The following COX6C variants were observed in gnomAD, a reference collection of about 807,000 sequenced individuals.
The protein encoded by COX6C is cytochrome c oxidase polypeptide VIc.
Under a neutral mutation model 6.9 loss-of-function variants are expected in COX6C, and 3 were observed. The ratio of observed to expected loss-of-function variants is 0.43; its 90% CI spans 0.20 to 1.12. The LOEUF (loss-of-function observed/expected upper bound fraction) is 1.12, where lower values mean the gene tolerates loss of function less well. Among genes scored for constraint, COX6C ranks in the 50% most tolerant of loss-of-function variants. The pLI is 0.27. For missense variants in COX6C, 101 were observed against 97.3 expected (o/e 1.04, Z -0.16); for synonymous variants, 32 against 32.0 (o/e 1.00, Z 0.00).
At chr8:99,884,068 A>G (rs920791036) in intron 3 of COX6C, among the ~76,000 whole-genome samples, 2 of 152,210 alleles carry the variant, frequency 1.3e-5, no homozygotes, top group African/African-American at 4.8e-5. Context: ...CTTTTCCTCT[A>G]ATACCTAGAA....
chr8:99,880,334 T>C (rs1289927302), intron 3 of COX6C, among the ~76,000 whole-genome samples: 2 of 151,956 alleles, frequency 1.3e-5, no homozygotes, highest in African/African-American at 4.8e-5. Flanking sequence ...AGAACAACTA[T>C]CTAAAAAATG....
At chr8:99,888,378 C>T (rs993397707) in intron 2 of COX6C, among the ~76,000 whole-genome samples, 24 of 152,014 alleles carry the variant, frequency 1.6e-4, no homozygotes, top group Admixed American at 4.6e-4. Flanking sequence ...GGAGACCAGC[C>T]TGGCCAACAT....
At chr8:99,880,619 T>A (rs777316424) in intron 3 of COX6C, among the ~76,000 whole-genome samples, 2 of 151,942 alleles carry the variant, frequency 1.3e-5, no homozygotes, top group Admixed American at 1.3e-4. Flanking sequence ...CTCATGCCTG[T>A]AATCTGGGAG....
rs543579757 is a variant in COX6C at position 99,877,951 on chromosome 8, T to C, written c.*330A>G. 14 of 152,278 alleles carry C rather than the reference T, an allele frequency of 9.2e-5. No individual in the cohort carries two copies. The highest frequency in any genetic ancestry group is 8.5e-4 in the Admixed American group (13 of 15,286). 9.4% of individuals were successfully genotyped at this position (152,278 alleles called of 1,614,324 possible). On this transcript the variant is annotated 3_prime_UTR_variant, in exon 4 of 4. Transcript: ENST00000520468. ...TCTTACAGGCTCATGAAGAACACTT[T>C]TTAATCCATAGCCCAAGACCAAGTA...
At position 99,893,614 on chromosome 8, in the gene COX6C, G is replaced by T. The variant is rs1406165332; in HGVS notation, c.-32+25C>A. 3.9e-5 allele frequency: 6 copies of T among 152,472 alleles called. No homozygotes were observed. The East Asian group carries it at 1.2e-3, about 29-fold the overall frequency. 9.4% of individuals were successfully genotyped at this position (152,472 alleles called of 1,614,324 possible). A position where few individuals can be genotyped will look rare whatever the true frequency, so the allele number is the denominator to read the frequency against. On this transcript the variant is annotated intron_variant, in intron 1 of 3. Coordinates refer to ENST00000520468, the MANE Select transcript of COX6C (RefSeq NM_004374.4). ...TGTGACAACCCGCAGTGTCGGGGTAGGGATGCAAAAGGGACCGGACTCACC... is the reference window on the plus strand; with the variant it reads ...TGTGACAACCCGCAGTGTCGGGGTATGGATGCAAAAGGGACCGGACTCACC...
At chr8:99,884,539 T>A (rs1263561670) in intron 3 of COX6C, among the ~76,000 whole-genome samples, 2 of 152,064 alleles carry the variant, frequency 1.3e-5, no homozygotes, top group East Asian at 3.9e-4. Flanking sequence ...ATACAGAATA[T>A]ACACATAAGG....
chr8:99,880,834 AAAAC>A (rs1817851175), intron 3 of COX6C, among the ~76,000 whole-genome samples: 1 of 152,216 alleles, frequency 6.6e-6, no homozygotes, highest in Non-Finnish European at 1.5e-5. Flanking sequence ...AGAGCTTAAA[AAAAC>A]AAACAAAACA....
At chr8:99,880,638 A>G (rs868802432) in intron 3 of COX6C, among the ~76,000 whole-genome samples, 2 of 152,012 alleles carry the variant, frequency 1.3e-5, no homozygotes, top group Non-Finnish European at 2.9e-5. Context: ...AGGCCAAGGC[A>G]GTAGGATCAC....
intron 3 of COX6C, among the ~76,000 whole-genome samples, chr8:99,883,519 C>A (rs1026334308): frequency 4.7e-5 from 7 of 148,046 alleles, no homozygotes; most frequent in South Asian, 2.1e-4. Flanking sequence ...ACAGGCTGAT[C>A]TCTAACTTCT....
At chr8:99,887,257 T>C (rs1197668393) in intron 3 of COX6C, 3 of 319,822 alleles carry the variant, frequency 9.4e-6, no homozygotes, top group Non-Finnish European at 1.1e-5. Context: ...TGTTTCTGAC[T>C]GGGGGATGTG....
chr8:99,890,188 C>T (rs538660918), intron 2 of COX6C, among the ~76,000 whole-genome samples: 1 of 152,178 alleles, frequency 6.6e-6, no homozygotes, highest in East Asian at 1.9e-4. Context: ...GTCTTGAACT[C>T]GTGAGCTCAA....
At chr8:99,891,443 A>C (rs962899158) in intron 2 of COX6C, among the ~76,000 whole-genome samples, 14 of 152,112 alleles carry the variant, frequency 9.2e-5, no homozygotes, top group African/African-American at 3.4e-4. Context: ...CTGCAGTCCC[A>C]GGTACCGGGA....
intron 3 of COX6C, among the ~76,000 whole-genome samples, chr8:99,880,292 CAG>C (rs1327307555): frequency 6.6e-6 from 1 of 152,176 alleles, no homozygotes; most frequent in African/African-American, 2.4e-5. Flanking sequence ...CCTAAAGAAA[CAG>C]AGGCTGCTGA....
chr8:99,887,367 A>G (rs1817957540), intron 3 of COX6C, 123 bp downstream of exon 3: 2 of 493,314 alleles, frequency 4.1e-6, no homozygotes, highest in Non-Finnish European at 3.5e-6. Flanking sequence ...AATGTGTATC[A>G]CTTCCACACC....
At chr8:99,891,221 G>A (rs1818027369) in intron 2 of COX6C, among the ~76,000 whole-genome samples, 1 of 152,152 alleles carries the variant, frequency 6.6e-6, no homozygotes, top group Admixed American at 6.5e-5. Context: ...AGGCCTTTAG[G>A]GTGGGCCCTA....
Position 99,887,679 on chromosome 8 carries a change from T to A in COX6C, c.115-61A>T. The stretch of plus-strand genomic sequence containing the variant: ...GATTACTGGAAATTAGATTCCAGAT[T>A]ATAATATATAAAGACAAGGTAGAAC... On this transcript the variant is annotated intron_variant, in intron 2 of 3. Coordinates refer to ENST00000520468, the MANE Select transcript of COX6C (RefSeq NM_004374.4). 4 of 1,126,266 alleles carry A rather than the reference T, an allele frequency of 3.6e-6. No homozygotes were observed. The South Asian group carries it at 6.2e-5, about 17-fold the overall frequency. 69.8% of individuals were successfully genotyped at this position (1,126,266 alleles called of 1,614,324 possible).
Position 99,891,883 on chromosome 8 carries a change from G to A in COX6C, c.114+25C>T, listed in dbSNP as rs755708383. The A allele has an allele frequency of 1.6e-5, 26 of 1,597,926 alleles. No homozygotes were observed. The Admixed American group carries it at 2.2e-4, about 13-fold the overall frequency. ...CAAAAACACATACTTTATGACCTTCGGCACAAAGTAAAAAACATACATACC... is the reference window on the plus strand; with the variant it reads ...CAAAAACACATACTTTATGACCTTCAGCACAAAGTAAAAAACATACATACC... On this transcript the variant is annotated intron_variant, in intron 2 of 3. Coordinates refer to ENST00000520468, the MANE Select transcript of COX6C (RefSeq NM_004374.4).
At chr8:99,889,672 G>C (rs1218924586) in intron 2 of COX6C, among the ~76,000 whole-genome samples, 2 of 151,822 alleles carry the variant, frequency 1.3e-5, no homozygotes, top group African/African-American at 4.8e-5. Context: ...ACTGGCATGA[G>C]CCACTGTACC....
At chr8:99,880,449 C>A (rs1430009011) in intron 3 of COX6C, among the ~76,000 whole-genome samples, 1 of 152,082 alleles carries the variant, frequency 6.6e-6, no homozygotes, top group East Asian at 1.9e-4. Context: ...AAAAACCAAA[C>A]ACACTGTGGA....
Sources: allele counts gnomAD v4.1 joint callset (sites outside exome capture counted in the v4.1 genomes callset), GRCh38; gene constraint gnomAD v4.1.1; transcripts MANE v1.5; gene names NCBI Gene and HGNC (gene_info 2026-07-23, HGNC 2026-07-21).